Variants in DMD observed in about 807,000 individuals in gnomAD.
DMD encodes dystrophin, also known as mutant dystrophin.
DMD carries 63 observed loss-of-function variants against 330.1 expected under a neutral mutation model. That is an observed-to-expected ratio of 0.19 (90% CI 0.16 to 0.24). The LOEUF is 0.24. DMD is among the 10% of genes least tolerant of loss of function. The pLI, the probability that DMD is intolerant of heterozygous loss-of-function variation, is 1.00. For synonymous variants in DMD, 1,223 were observed against 959.8 expected (o/e 1.27, Z -5.07); for missense variants, 3,344 against 2,684.1 (o/e 1.25, Z -5.43).
chrX:32,702,163 T>C (rs1042361319), intron 7 of DMD, among the ~76,000 whole-genome samples: 3 of 112,341 alleles, frequency 2.7e-5, no homozygotes, highest in Non-Finnish European at 5.6e-5. Context: ...GCTTCTAATT[T>C]GGAATAAGAA....
rs1471351366 is a variant in DMD at position 31,120,347 on chromosome X, C to CTTCT, written c.*1568_*1571dup. On this transcript the variant is annotated 3_prime_UTR_variant, in exon 79 of 79. Coordinates refer to ENST00000357033, the MANE Select transcript of DMD (RefSeq NM_004006.3). ...TTTTGTAACATTTGAATCAATTTGC[C>CTTCT]TTCTTTCTTACTTACTTACAAACCT... 9.4e-6 allele frequency: 1 copy of CTTCT among 106,296 alleles called. No individual in the cohort carries two copies. 8.8% of individuals were successfully genotyped at this position (106,296 alleles called of 1,213,427 possible).
chrX:31,355,680 C>T (rs1372480374), intron 60 of DMD, among the ~76,000 whole-genome samples: 4 of 110,989 alleles, frequency 3.6e-5, no homozygotes, highest in Admixed American at 9.7e-5. Context: ...GGAGGAACTT[C>T]CTCGTTCATT....
intron 44 of DMD, among the ~76,000 whole-genome samples, chrX:32,138,655 G>A (rs901161606): frequency 4.5e-5 from 5 of 112,029 alleles, no homozygotes; most frequent in Non-Finnish European, 9.4e-5. Context: ...CTAAGTGTGT[G>A]GTGGATGGTT....
intron 74 of DMD, among the ~76,000 whole-genome samples, chrX:31,152,122 C>T (rs1233752721): frequency 4.5e-5 from 5 of 110,424 alleles, no homozygotes; most frequent in African/African-American, 1.7e-4. Flanking sequence ...TTTCATCCAT[C>T]TCTGTTTCTT....
intron 34 of DMD, among the ~76,000 whole-genome samples, chrX:32,370,185 A>G (rs1484116248): frequency 9.3e-6 from 1 of 108,102 alleles, no homozygotes; most frequent in Non-Finnish European, 1.9e-5. Context: ...TTGAGATGTA[A>G]CATACAATTA....
At chrX:31,865,469 A>G (rs893637795) in intron 48 of DMD, among the ~76,000 whole-genome samples, 1 of 112,191 alleles carries the variant, frequency 8.9e-6, no homozygotes, top group Admixed American at 9.4e-5. Flanking sequence ...AATTTTTTTT[A>G]AAAATGAAAT....
intron 25 of DMD, among the ~76,000 whole-genome samples, chrX:32,457,860 G>T (rs1472354098): frequency 9.1e-6 from 1 of 109,501 alleles, no homozygotes; most frequent in Non-Finnish European, 1.9e-5. Context: ...CCCATTTATT[G>T]ATAACTATTT....
intron 60 of DMD, among the ~76,000 whole-genome samples, chrX:31,371,028 G>A (rs976692743): frequency 1.8e-5 from 2 of 111,394 alleles, no homozygotes; most frequent in Non-Finnish European, 3.8e-5. Context: ...GAGGTAGGGG[G>A]GGCAGGGAAG....
intron 1 of DMD, among the ~76,000 whole-genome samples, chrX:33,177,986 A>G (rs1337444809): frequency 8.9e-6 from 1 of 112,501 alleles, no homozygotes; most frequent in Admixed American, 9.4e-5. Flanking sequence ...GGAATTTTAA[A>G]AAACTTGAGT....
intron 26 of DMD, among the ~76,000 whole-genome samples, chrX:32,452,001 T>C (rs997631442): frequency 1.8e-5 from 2 of 109,926 alleles, no homozygotes; most frequent in Admixed American, 2.0e-4. Context: ...AGGATGGTTT[T>C]CAAATTTTAA....
chrX:32,154,843 G>C (rs1408199357), intron 44 of DMD, among the ~76,000 whole-genome samples: 1 of 101,623 alleles, frequency 9.8e-6, no homozygotes, highest in Admixed American at 1.2e-4. Context: ...CGCAGAAGAG[G>C]GCACAAGCTT....
chrX:33,010,316 GTGTATAAATATGT>G (rs1429254453), intron 2 of DMD, among the ~76,000 whole-genome samples: 1 of 106,249 alleles, frequency 9.4e-6, no homozygotes, highest in Non-Finnish European at 1.9e-5. Context: ...GTACATATAT[GTGTATAAATATGT>G]ATATATGTAC....
chrX:33,338,402 G>C (rs1470574113), intron 1 of DMD, among the ~76,000 whole-genome samples: 1 of 109,330 alleles, frequency 9.1e-6, no homozygotes, highest in Non-Finnish European at 1.9e-5. Context: ...AACAGAGAAA[G>C]GGTTCTAAAA....
intron 7 of DMD, among the ~76,000 whole-genome samples, chrX:32,740,995 A>T (rs1475278258): frequency 9.0e-6 from 1 of 111,536 alleles, no homozygotes; most frequent in Non-Finnish European, 1.9e-5. Context: ...GTCTGTACCT[A>T]CCCAGATATA....
chrX:32,771,161 T>TA (rs1373636931), intron 7 of DMD, among the ~76,000 whole-genome samples: 12 of 112,160 alleles, frequency 1.1e-4, no homozygotes, highest in African/African-American at 3.9e-4. Context: ...AAAGTTACTT[T>TA]AAACTGGATT....
chrX:33,331,668 C>T (rs932897994), intron 1 of DMD, among the ~76,000 whole-genome samples: 1 of 111,499 alleles, frequency 9.0e-6, no homozygotes, highest in Non-Finnish European at 1.9e-5. Flanking sequence ...TTCAGGTGTA[C>T]ATTGACAGCA....
chrX:31,835,990 G>A (rs2093187495), intron 49 of DMD, among the ~76,000 whole-genome samples: 1 of 111,512 alleles, frequency 9.0e-6, no homozygotes, highest in African/African-American at 3.3e-5. Context: ...AGAGAATCAG[G>A]TAACCTACTG....
intron 64 of DMD, among the ~76,000 whole-genome samples, chrX:31,214,886 A>ATTG (rs1252384476): frequency 1.7e-4 from 16 of 96,868 alleles, no homozygotes; most frequent in Non-Finnish European, 2.3e-4. Flanking sequence ...AAAAGGTGAG[A>ATTG]TTGTTGCAAG....
chrX:32,801,326 T>A (rs939037580), intron 7 of DMD, among the ~76,000 whole-genome samples: 1 of 111,879 alleles, frequency 8.9e-6, no homozygotes, highest in Admixed American at 9.4e-5. Flanking sequence ...AATGTCTTCT[T>A]TGAGAAGGGT....
Sources: allele counts gnomAD v4.1 joint callset (sites outside exome capture counted in the v4.1 genomes callset), GRCh38; gene constraint gnomAD v4.1.1; transcripts MANE v1.5; gene names NCBI Gene and HGNC (gene_info 2026-07-23, HGNC 2026-07-21).